Variants in RAI1 observed in about 807,000 individuals in gnomAD.
The protein encoded by RAI1 is retinoic acid-induced protein 1.
In RAI1, 9 loss-of-function variants were observed where a neutral mutation model predicts 123.8. The observed-to-expected ratio is 0.07, with a 90% confidence interval of 0.04 to 0.13. The LOEUF (loss-of-function observed/expected upper bound fraction) is 0.13, where lower values mean the gene tolerates loss of function less well. Ranked by LOEUF, RAI1 falls within the 10% of genes least tolerant of loss-of-function variation. The pLI, the probability that RAI1 is intolerant of heterozygous loss-of-function variation, is 1.00. For missense variants in RAI1, 2,256 were observed against 2,545.8 expected, an observed-to-expected ratio of 0.89 and a Z score of 2.45; for synonymous variants, 1,231 against 1,127.3, an observed-to-expected ratio of 1.09 and a Z score of -1.84.
chr17:17,786,877 C>T (rs1438645849), intron 2 of RAI1, among the ~76,000 whole-genome samples: 1 of 152,186 alleles, frequency 6.6e-6, no homozygotes, highest in Non-Finnish European at 1.5e-5. Context: ...AGCTCGAGAC[C>T]AGCCTGACCA....
intron 1 of RAI1, among the ~76,000 whole-genome samples, chr17:17,702,315 C>T (rs1915248523): frequency 6.6e-6 from 1 of 152,224 alleles, no homozygotes; most frequent in African/African-American, 2.4e-5. Context: ...TCAGACCCTT[C>T]AGTTGGCACA....
At chr17:17,747,074 C>T (rs2029954891) in intron 2 of RAI1, among the ~76,000 whole-genome samples, 2 of 152,314 alleles carry the variant, frequency 1.3e-5, no homozygotes, top group Non-Finnish European at 2.9e-5. Context: ...TCAAAGACAT[C>T]CATAACTGCC....
At chr17:17,704,807 C>T (rs1915343029) in intron 1 of RAI1, among the ~76,000 whole-genome samples, 1 of 151,210 alleles carries the variant, frequency 6.6e-6, no homozygotes, top group Non-Finnish European at 1.5e-5. Flanking sequence ...GCCAAAGTTT[C>T]CAGTTCCCCA....
intron 2 of RAI1, chr17:17,777,760 G>T (rs925318114): frequency 6.6e-6 from 1 of 152,264 alleles, no homozygotes; most frequent in Non-Finnish European, 1.5e-5. Context: ...GGAAACTGAG[G>T]CCCAGAGGGG....
chr17:17,757,572 T>C (rs939107777), intron 2 of RAI1, among the ~76,000 whole-genome samples: 2 of 151,790 alleles, frequency 1.3e-5, no homozygotes, highest in African/African-American at 4.8e-5. Flanking sequence ...CAGCCCTGTT[T>C]CCTGCCCAGC....
In RAI1 at chr17:17,684,688, ATATATATATATATATATATGTATGTATG is replaced by A. The variant is rs958646490; in HGVS notation, c.-149+2899_-149+2926del. The A allele has an allele frequency of 9.8e-5, 5 of 51,162 alleles. 1 individual carries two copies. Among genetic ancestry groups the A allele is most frequent in the African/African-American group, 2.8e-4 (5 of 18,164 alleles). The allele number at this position is 51,162 out of a possible 1,614,324, so 3.2% of individuals were successfully genotyped here. ...ACTTAATGCATATATATATATATAT[ATATATATATATATATATATGTATGTATG>A]TATGTATATTACATATACCAATCCA... On this transcript the variant is annotated intron_variant, in intron 1 of 5. Transcript: ENST00000353383.
rs1012187373 is a variant in RAI1, at chr17:17,810,607, G to A, written c.*626G>A. ...CCAGGGGCCTTCCCGCCCAGCCTTT[G>A]CCAGATCTCTCGTGCGGTTCGGGCA... On this transcript the variant is annotated 3_prime_UTR_variant, in exon 6 of 6. Transcript: ENST00000353383. The surrounding 1 kb of genome is among the most constrained non-coding windows in gnomAD (Gnocchi z 4.6). 4 of 328,790 alleles carry A rather than the reference G, an allele frequency of 1.2e-5. No individual in the cohort carries two copies. The highest frequency in any genetic ancestry group is 2.4e-5 in the Non-Finnish European group (4 of 164,336). The allele number at this position is 328,790 out of a possible 1,614,324, so 20.4% of individuals were successfully genotyped here.
In RAI1 at chr17:17,741,141, TCACA is replaced by T. The variant is rs537956048; in HGVS notation, c.-17+16986_-17+16989del. Among the ~76,000 whole-genome samples, 240 of 151,430 alleles carry T rather than the reference TCACA, an allele frequency of 1.6e-3. 2 individuals are homozygous for T. Among genetic ancestry groups the T allele is most frequent in the South Asian group, 4.8e-3 (23 of 4,778 alleles). On this transcript the variant is annotated intron_variant, in intron 2 of 5. Coordinates refer to ENST00000353383, the MANE Select transcript of RAI1 (RefSeq NM_030665.4). Reference sequence around the variant, plus strand: ...CGCACGCACACACGCACGCTCACACTCACACACTTAAGCGCACACGTACACGCAC... The same window carrying T: ...CGCACGCACACACGCACGCTCACACTCACTTAAGCGCACACGTACACGCAC...
chr17:17,798,235 C>A lies in RAI1; in HGVS notation c.5287C>A (p.Pro1763Thr). 3 of 1,610,252 alleles carry A rather than the reference C, an allele frequency of 1.9e-6. No homozygotes were observed. The highest frequency in any genetic ancestry group is 2.5e-6 in the Non-Finnish European group (3 of 1,178,690). The change falls in exon 3 of 6, where the codon CCG becomes ACG. Residue 1763 changes from proline (P) to threonine (T), a missense_variant. This residue lies in a region of RAI1 where 243 missense variants were observed against 316.6 expected (regional missense o/e 0.77). Coordinates refer to ENST00000353383, the MANE Select transcript of RAI1 (RefSeq NM_030665.4). ...CCCCAGGCCTGACGGCCCAGCTGAC[C>A]CGGCCAAGCAGGGCCCACTGCGCAC... ...KPPRPDGPADPAKQGPLRTSA... is the reference protein window; with the variant it reads ...KPPRPDGPADTAKQGPLRTSA...
At chr17:17,697,096 CTT>C (rs756723436) in intron 1 of RAI1, among the ~76,000 whole-genome samples, 50 of 152,354 alleles carry the variant, frequency 3.3e-4, no homozygotes, top group Non-Finnish European at 6.6e-4. Context: ...AGGCCTGTCT[CTT>C]CTCCCCTATT....
intron 2 of RAI1, among the ~76,000 whole-genome samples, chr17:17,791,552 G>C (rs1474020657): frequency 6.6e-6 from 1 of 152,098 alleles, no homozygotes; most frequent in Non-Finnish European, 1.5e-5. Context: ...CTTCCTTTTG[G>C]AGCATTTGGG....
chr17:17,722,078 G>C (rs991278516), intron 1 of RAI1, among the ~76,000 whole-genome samples: 1 of 152,152 alleles, frequency 6.6e-6, no homozygotes, highest in Non-Finnish European at 1.5e-5. Flanking sequence ...CAGAGCAGAG[G>C]GGCCTGAGTA....
Position 17,772,144 on chromosome 17 carries a change from ATCT to A in RAI1, c.-16-20785_-16-20783del, listed in dbSNP as rs2031185033. 2.0e-5 allele frequency among the ~76,000 whole-genome samples: 3 copies of A among 152,306 alleles called. No individual in the cohort carries two copies. In the South Asian group the frequency reaches 6.2e-4, roughly 32 times the overall value. The stretch of plus-strand genomic sequence containing the variant: ...ATATGTACGGGAGGTTGGGTGAGGC[ATCT>A]TCTCCAGTCCAGGAGGAAGGGATTC... On this transcript the variant is annotated intron_variant, in intron 2 of 5. Transcript: ENST00000353383.
intron 2 of RAI1, chr17:17,776,702 C>T (rs1487390587): frequency 8.6e-6 from 1 of 116,858 alleles, no homozygotes; most frequent in African/African-American, 3.4e-5. Flanking sequence ...GGGTCTTGCT[C>T]TGTCGCCCAG....
intron 2 of RAI1, chr17:17,782,165 C>CG: frequency 6.6e-6 from 1 of 152,072 alleles, no homozygotes; most frequent in African/African-American, 2.4e-5. Flanking sequence ...CGCGCAGGGG[C>CG]GGGGGCCGCG....
chr17:17,734,212 G>A (rs1212051875), intron 2 of RAI1, among the ~76,000 whole-genome samples: 2 of 152,104 alleles, frequency 1.3e-5, no homozygotes, highest in Admixed American at 6.5e-5. Context: ...TTCAAGTGCT[G>A]TTCACGCCTG....
intron 2 of RAI1, among the ~76,000 whole-genome samples, chr17:17,732,659 A>G (rs529837835): frequency 2.0e-5 from 3 of 152,132 alleles, no homozygotes; most frequent in South Asian, 4.2e-4. Context: ...GCTGGGCTCT[A>G]TTATCATCCC....
chr17:17,735,444 C>T (rs1916402599), intron 2 of RAI1, among the ~76,000 whole-genome samples: 1 of 151,204 alleles, frequency 6.6e-6, no homozygotes, highest in Non-Finnish European at 1.5e-5. Flanking sequence ...ATCTCCGCCT[C>T]CCGGGTTCAA....
chr17:17,807,406 C>T (rs1263282711), intron 4 of RAI1, among the ~76,000 whole-genome samples: 1 of 152,196 alleles, frequency 6.6e-6, no homozygotes, highest in Non-Finnish European at 1.5e-5. Flanking sequence ...CTGCCCTGCA[C>T]TGCGCTGTCC....
Sources: allele counts gnomAD v4.1 joint callset (sites outside exome capture counted in the v4.1 genomes callset), GRCh38; gene constraint gnomAD v4.1.1; regional missense constraint gnomAD v4.1.1; non-coding constraint Gnocchi (gnomAD v3.1); transcripts MANE v1.5; gene names NCBI Gene and HGNC (gene_info 2026-07-23, HGNC 2026-07-21).